The following DLGAP2 variants were observed in gnomAD, a reference collection of about 807,000 sequenced individuals.
DLGAP2 encodes DLG associated protein 2.
Under a neutral mutation model 100.3 loss-of-function variants are expected in DLGAP2, and 26 were observed. That is an observed-to-expected ratio of 0.26 (90% CI 0.19 to 0.36). The LOEUF (loss-of-function observed/expected upper bound fraction) is 0.36, where lower values mean the gene tolerates loss of function less well. Ranked by LOEUF, DLGAP2 falls within the 10% of genes least tolerant of loss-of-function variation. The probability of loss-of-function intolerance (pLI) is 1.00; values close to 1 mark genes in which losing one functional copy is unlikely to be tolerated. For synonymous variants in DLGAP2, 886 were observed against 630.1 expected, an observed-to-expected ratio of 1.41 and a Z score of -6.08; for missense variants, 1,858 against 1,453.2, an observed-to-expected ratio of 1.28 and a Z score of -4.53.
intron 8 of DLGAP2, among the ~76,000 whole-genome samples, chr8:1,637,588 G>A (rs1167900740): frequency 1.3e-5 from 2 of 152,076 alleles, no homozygotes. Flanking sequence ...TTCCGTTTTA[G>A]AAATGTAAAA....
intron 3 of DLGAP2, among the ~76,000 whole-genome samples, chr8:1,434,631 CA>C (rs1233737929): frequency 6.6e-6 from 1 of 152,138 alleles, no homozygotes; most frequent in Non-Finnish European, 1.5e-5. Flanking sequence ...CGTGCGCCAC[CA>C]CACCAGGCTA....
At chr8:1,510,709 G>T (rs943206665) in intron 4 of DLGAP2, among the ~76,000 whole-genome samples, 3 of 152,230 alleles carry the variant, frequency 2.0e-5, no homozygotes, top group African/African-American at 7.2e-5. Flanking sequence ...TAGTGAATGA[G>T]TGGCCAGTCT....
intron 1 of DLGAP2, among the ~76,000 whole-genome samples, chr8:834,212 G>C (rs1796831799): frequency 6.6e-6 from 1 of 152,214 alleles, no homozygotes; most frequent in Non-Finnish European, 1.5e-5. Flanking sequence ...GGGCTGACGA[G>C]TCCCAGTAGA....
At chr8:1,131,418 A>C (rs907188704) in intron 2 of DLGAP2, among the ~76,000 whole-genome samples, 1 of 151,742 alleles carries the variant, frequency 6.6e-6, no homozygotes, top group Non-Finnish European at 1.5e-5. Flanking sequence ...GCGCTTTCTC[A>C]CTCTGTGCTC....
At chr8:1,314,446 C>G (rs1323260621) in intron 3 of DLGAP2, among the ~76,000 whole-genome samples, 1 of 152,232 alleles carries the variant, frequency 6.6e-6, no homozygotes, top group African/African-American at 2.4e-5. Flanking sequence ...ATTAATTACA[C>G]TCTAGAGCTG....
chr8:1,351,264 C>T (rs1239791498), intron 3 of DLGAP2, among the ~76,000 whole-genome samples: 22 of 89,744 alleles, frequency 2.5e-4, no homozygotes, highest in African/African-American at 8.6e-4. Context: ...GTGGAACGGC[C>T]GTGCGGGTCC....
intron 3 of DLGAP2, among the ~76,000 whole-genome samples, chr8:1,453,909 T>C (rs1798232546): frequency 6.6e-6 from 1 of 152,244 alleles, no homozygotes; most frequent in Non-Finnish European, 1.5e-5. Flanking sequence ...TTTTTGTCTT[T>C]GGGGTTTTGC....
intron 2 of DLGAP2, among the ~76,000 whole-genome samples, chr8:1,140,262 G>A (rs960592017): frequency 2.0e-5 from 3 of 152,232 alleles, no homozygotes; most frequent in South Asian, 2.1e-4. Context: ...AAGTGTTGCC[G>A]GGTGGGTGAC....
intron 2 of DLGAP2, among the ~76,000 whole-genome samples, chr8:1,162,114 G>A (rs1223522997): frequency 6.6e-6 from 1 of 152,228 alleles, no homozygotes; most frequent in Non-Finnish European, 1.5e-5. Context: ...AGCCCGTGGG[G>A]CAGATTCCAC....
intron 1 of DLGAP2, among the ~76,000 whole-genome samples, chr8:895,059 G>C (rs1487068050): frequency 6.7e-6 from 1 of 148,880 alleles, no homozygotes; most frequent in Non-Finnish European, 1.5e-5. Flanking sequence ...GTGGGTGTGG[G>C]GAGTCAGCTG....
chr8:1,585,155 C>T (rs774029292), intron 6 of DLGAP2, among the ~76,000 whole-genome samples: 19 of 152,222 alleles, frequency 1.2e-4, no homozygotes, highest in Non-Finnish European at 1.8e-4. Flanking sequence ...CTAAGACTGG[C>T]GCCTGGTTTG....
chr8:1,582,196 C>A (rs1285230231), intron 6 of DLGAP2, among the ~76,000 whole-genome samples: 19 of 140,382 alleles, frequency 1.4e-4, no homozygotes, highest in South Asian at 2.3e-4. Flanking sequence ...CAGACAAACC[C>A]CCACACACAT....
intron 3 of DLGAP2, among the ~76,000 whole-genome samples, chr8:1,318,590 A>T (rs1238940619): frequency 6.6e-6 from 1 of 151,548 alleles, no homozygotes; most frequent in Non-Finnish European, 1.5e-5. Context: ...CACCTAGGGG[A>T]ACAGATTCCC....
chr8:1,435,743 C>T (rs1403461296), intron 3 of DLGAP2, among the ~76,000 whole-genome samples: 1 of 151,920 alleles, frequency 6.6e-6, no homozygotes, highest in Non-Finnish European at 1.5e-5. Flanking sequence ...CCACGTCTGT[C>T]ACCGCCACTG....
chr8:1,155,390 A>G (rs557997384), intron 2 of DLGAP2, among the ~76,000 whole-genome samples: 6 of 152,142 alleles, frequency 3.9e-5, no homozygotes, highest in African/African-American at 1.4e-4. Context: ...CTCCGAGTGG[A>G]GCTCTTGCCA....
At chr8:1,554,517 C>T (rs1801890590) in intron 5 of DLGAP2, among the ~76,000 whole-genome samples, 1 of 152,118 alleles carries the variant, frequency 6.6e-6, no homozygotes, top group African/African-American at 2.4e-5. Context: ...ACGCCCTCAG[C>T]TCAGCTTGGC....
intron 1 of DLGAP2, among the ~76,000 whole-genome samples, chr8:790,456 A>G (rs138875885): frequency 6.6e-6 from 1 of 152,154 alleles, no homozygotes; most frequent in Non-Finnish European, 1.5e-5. Context: ...TGTGGTTTTC[A>G]TCTATAGGAG....
At position 1,092,346 on chromosome 8, in the gene DLGAP2, G is replaced by A. The variant is rs571381627; in HGVS notation, c.74-166505G>A. On this transcript the variant is annotated intron_variant, in intron 2 of 14. Coordinates refer to ENST00000637795, the MANE Select transcript of DLGAP2 (RefSeq NM_001346810.2). ...TGCAATATGTGTGCTTGGTGGCCAC[G>A]TGGATGCGTAGGGTCCGCCTGGCAC... Among the ~76,000 whole-genome samples, 19 of 152,340 alleles carry A rather than the reference G, an allele frequency of 1.2e-4. No homozygotes were observed. The East Asian group carries it at 2.7e-3, about 22-fold the overall frequency.
chr8:1,351,914 A>C (rs1188278766), intron 3 of DLGAP2, among the ~76,000 whole-genome samples: 385 of 35,090 alleles, frequency 0.011, no homozygotes, highest in East Asian at 0.021. Flanking sequence ...GACTGTGGAA[A>C]GGCCGTGCGC....
Sources: allele counts gnomAD v4.1 joint callset (sites outside exome capture counted in the v4.1 genomes callset), GRCh38; gene constraint gnomAD v4.1.1; transcripts MANE v1.5; gene names NCBI Gene and HGNC (gene_info 2026-07-23, HGNC 2026-07-21).